Variants in SRD5A1 observed in about 807,000 individuals in gnomAD.
SRD5A1 encodes the protein 3-oxo-5-alpha-steroid 4-dehydrogenase 1.
In SRD5A1, 22 loss-of-function variants were observed where a neutral mutation model predicts 28.2. The observed-to-expected ratio is 0.78, with a 90% confidence interval of 0.56 to 1.12. The LOEUF (loss-of-function observed/expected upper bound fraction) is 1.12, where lower values mean the gene tolerates loss of function less well. Ranked by LOEUF, SRD5A1 falls within the 50% of genes most tolerant of loss-of-function variation. The pLI is 0.00. For missense variants in SRD5A1, 300 were observed against 346.7 expected (o/e 0.87, Z 1.07); for synonymous variants, 151 against 135.0 (o/e 1.12, Z -0.82).
rs1371813861 is a variant in SRD5A1, at chr5:6,633,691, G to A, written c.115G>A (p.Gly39Ser). 1 of 1,587,522 alleles carries A rather than the reference G, an allele frequency of 6.3e-7. No individual in the cohort carries two copies. The highest frequency in any genetic ancestry group is 8.5e-7 in the Non-Finnish European group (1 of 1,174,584). ...ARNRQTNSVY[G>S]RHALPSHRLR... ...CAATCGTCAGACGAACTCAGTGTAC[G>A]GCCGCCACGCGCTGCCCAGCCACAG... is the stretch of plus-strand genomic sequence containing the variant. The change falls in exon 1 of 5, where the codon GGC becomes AGC. Residue 39 changes from glycine to serine, a missense_variant. By Grantham distance (56) the Gly-to-Ser change is moderately conservative (BLOSUM62 0). Transcript: ENST00000274192.
rs1464859390 is a variant in SRD5A1, at chr5:6,658,832, C to G, written c.562+2653C>G. On this transcript the variant is annotated intron_variant, in intron 3 of 4. Transcript: ENST00000274192. The stretch of plus-strand genomic sequence containing the variant: ...AAAAGCAAAGAATATGAAACCTAGA[C>G]TGGGTGCAGTGGCTCACACCTGTAA... Among the ~76,000 whole-genome samples the G allele has an allele frequency of 3.3e-5, 5 of 152,064 alleles. No individual in the cohort carries two copies. In the East Asian group the frequency reaches 9.7e-4, roughly 29 times the overall value.
At chr5:6,654,910 G>C (rs115781367) in intron 2 of SRD5A1, among the ~76,000 whole-genome samples, 1 of 152,156 alleles carries the variant, frequency 6.6e-6, no homozygotes, top group African/African-American at 2.4e-5. Flanking sequence ...AAATTACCTA[G>C]GGGTGAAATA....
chr5:6,654,169 C>T (rs955281866), intron 2 of SRD5A1, among the ~76,000 whole-genome samples: 26 of 152,150 alleles, frequency 1.7e-4, no homozygotes, highest in African/African-American at 5.8e-4. Context: ...TCTCCTGCCT[C>T]AGCCTCCCGA....
intron 4 of SRD5A1, among the ~76,000 whole-genome samples, chr5:6,667,252 A>G (rs1014957823): frequency 6.6e-6 from 1 of 152,240 alleles, no homozygotes; most frequent in African/African-American, 2.4e-5. Context: ...TTGATCCGGA[A>G]GTCCTGACCG....
At chr5:6,649,143 G>A (rs1738591822) in intron 1 of SRD5A1, among the ~76,000 whole-genome samples, 1 of 152,190 alleles carries the variant, frequency 6.6e-6, no homozygotes, top group African/African-American at 2.4e-5. Flanking sequence ...GAGCTCTCCA[G>A]TATGAGGTGT....
At chr5:6,656,652 A>T (rs922706978) in intron 3 of SRD5A1, among the ~76,000 whole-genome samples, 3 of 152,204 alleles carry the variant, frequency 2.0e-5, no homozygotes, top group Non-Finnish European at 2.9e-5. Context: ...AGAATTTGTG[A>T]TGAGGCGCCG....
At chr5:6,659,280 A>C (rs1310023969) in intron 3 of SRD5A1, among the ~76,000 whole-genome samples, 3 of 151,716 alleles carry the variant, frequency 2.0e-5, no homozygotes, top group African/African-American at 7.3e-5. Flanking sequence ...CGCCTGGCTA[A>C]TTTTTTGTAT....
chr5:6,653,661 A>C (rs1373911621), intron 2 of SRD5A1: 1 of 152,174 alleles, frequency 6.6e-6, no homozygotes, highest in African/African-American at 2.4e-5. Context: ...GAGGAAGGGG[A>C]ATTTCTTTCT....
At chr5:6,667,262 G>A (rs139557656) in intron 4 of SRD5A1, among the ~76,000 whole-genome samples, 47 of 152,322 alleles carry the variant, frequency 3.1e-4, no homozygotes, top group African/African-American at 7.7e-4. Context: ...AGTCCTGACC[G>A]ACTTCTTAGA....
At chr5:6,666,300 A>G (rs1453260614) in intron 4 of SRD5A1, among the ~76,000 whole-genome samples, 1 of 152,060 alleles carries the variant, frequency 6.6e-6, no homozygotes, top group Non-Finnish European at 1.5e-5. Context: ...GGTGCCCGCC[A>G]CCATGCCCGG....
At chr5:6,664,096 C>T (rs970700166) in intron 4 of SRD5A1, among the ~76,000 whole-genome samples, 46 of 152,040 alleles carry the variant, frequency 3.0e-4, no homozygotes, top group Admixed American at 5.9e-4. Flanking sequence ...GCTTAGCAAG[C>T]GGCCAGCCTG....
chr5:6,660,494 A>G (rs1738969070), intron 3 of SRD5A1, among the ~76,000 whole-genome samples: 1 of 152,240 alleles, frequency 6.6e-6, no homozygotes. Flanking sequence ...AATACAGATC[A>G]TGATTAACGT....
chr5:6,652,775 G>A (rs1468119691), intron 2 of SRD5A1, among the ~76,000 whole-genome samples: 3 of 150,972 alleles, frequency 2.0e-5, no homozygotes, highest in African/African-American at 7.3e-5. Flanking sequence ...CAGAGGCACT[G>A]AGGTGGGAGG....
rs1739286602 is a variant in SRD5A1 at position 6,669,169 on chromosome 5, A to C, written c.*901A>C. 1.3e-5 allele frequency: 2 copies of C among 152,230 alleles called. No homozygotes were observed. Among genetic ancestry groups the C allele is most frequent in the Non-Finnish European group, 2.9e-5 (2 of 68,036 alleles). 9.4% of individuals were successfully genotyped at this position (152,230 alleles called of 1,614,324 possible). The stretch of plus-strand genomic sequence containing the variant: ...TTTTGAGTTTTCCCTTGTAGTGTAA[A>C]GAATGATCACTTTCTGTAACAATAA... On this transcript the variant is annotated 3_prime_UTR_variant, in exon 5 of 5. Transcript: ENST00000274192.
chr5:6,643,356 T>G (rs2126529958), intron 1 of SRD5A1, among the ~76,000 whole-genome samples: 1 of 152,240 alleles, frequency 6.6e-6, no homozygotes, highest in East Asian at 1.9e-4. Flanking sequence ...CAAGCTGGAG[T>G]GCAGTGGCAT....
rs192158098 is a variant in SRD5A1 at position 6,636,892 on chromosome 5, G to A, written c.293+3023G>A. On this transcript the variant is annotated intron_variant, in intron 1 of 4. Coordinates refer to ENST00000274192, the MANE Select transcript of SRD5A1 (RefSeq NM_001047.4). ...GTCTTTTGGACACAAACACCAGGGA[G>A]GGAAGGACAGGCTGCCTGGAAGGGG... is the stretch of plus-strand genomic sequence containing the variant. 3.2e-3 allele frequency among the ~76,000 whole-genome samples: 493 copies of A among 152,266 alleles called. 15 individuals are homozygous for A. The highest frequency in any genetic ancestry group is 5.1e-4 in the Non-Finnish European group (35 of 68,014).
chr5:6,643,807 T>C (rs77024889), intron 1 of SRD5A1, among the ~76,000 whole-genome samples: 151 of 152,290 alleles, frequency 9.9e-4, no homozygotes, highest in Non-Finnish European at 1.6e-3. Context: ...AGCCTCATTT[T>C]CCTTTGTTTT....
At chr5:6,662,429 G>A (rs1298013873) in intron 3 of SRD5A1, among the ~76,000 whole-genome samples, 1 of 152,262 alleles carries the variant, frequency 6.6e-6, no homozygotes, top group Non-Finnish European at 1.5e-5. Context: ...TGTGACGAAT[G>A]AATGAATCTG....
At chr5:6,645,237 T>C in intron 1 of SRD5A1, 1 of 306,886 alleles carries the variant, frequency 3.3e-6, no homozygotes, top group Non-Finnish European at 6.4e-6. Flanking sequence ...TGACTAATTA[T>C]GACTTTACCC....
Sources: gnomAD v4.1 joint callset for allele counts (sites outside exome capture counted in the v4.1 genomes callset) on GRCh38, gnomAD v4.1.1 for gene constraint, MANE v1.5 for transcripts, NCBI Gene and HGNC (gene_info 2026-07-23, HGNC 2026-07-21) for gene names.